The following BICDL1 variants were observed in gnomAD, a reference collection of about 807,000 sequenced individuals.
BICDL1 encodes BICD family like cargo adaptor 1.
Under a neutral mutation model 76.8 loss-of-function variants are expected in BICDL1, and 20 were observed. The ratio of observed to expected loss-of-function variants is 0.26; its 90% CI spans 0.18 to 0.38. BICDL1 has a LOEUF of 0.38. Ranked by LOEUF, BICDL1 falls within the 10% of genes least tolerant of loss-of-function variation. BICDL1 has a pLI of 1.00. For missense variants in BICDL1, 700 were observed against 798.6 expected, an observed-to-expected ratio of 0.88 and a Z score of 1.49; for synonymous variants, 383 against 337.1, an observed-to-expected ratio of 1.14 and a Z score of -1.49.
intron 6 of BICDL1, 34 bp downstream of exon 6, chr12:120,072,763 C>G: frequency 6.3e-7 from 1 of 1,583,922 alleles, no homozygotes; most frequent in Non-Finnish European, 8.6e-7. Flanking sequence ...CCTTACCCCA[C>G]AGGAGCTGGC....
At chr12:120,023,545 T>G (rs939904763) in intron 2 of BICDL1, among the ~76,000 whole-genome samples, 2 of 152,156 alleles carry the variant, frequency 1.3e-5, no homozygotes, top group African/African-American at 4.8e-5. Context: ...TCCCAGCACT[T>G]TGGGAGGCCA....
At chr12:120,007,818 C>T (rs1951878026) in intron 2 of BICDL1, among the ~76,000 whole-genome samples, 2 of 152,178 alleles carry the variant, frequency 1.3e-5, no homozygotes, top group Admixed American at 1.3e-4. Context: ...TAAGTGTCAC[C>T]ACCACTCTGC....
chr12:119,994,170 T>C (rs1336380308), intron 1 of BICDL1, among the ~76,000 whole-genome samples: 1 of 152,204 alleles, frequency 6.6e-6, no homozygotes, highest in Non-Finnish European at 1.5e-5. Flanking sequence ...CCCTCAGTTA[T>C]ATTTTCCTCC....
At chr12:119,998,097 G>T (rs908302772) in intron 1 of BICDL1, among the ~76,000 whole-genome samples, 2 of 151,906 alleles carry the variant, frequency 1.3e-5, no homozygotes, top group Admixed American at 1.3e-4. Flanking sequence ...CTGGGCGACG[G>T]AGTCTTACCA....
At position 120,064,593 on chromosome 12, in the gene BICDL1, T is replaced by G. The variant is rs1055968339; in HGVS notation, c.763-140T>G. 3 of 755,894 alleles carry G rather than the reference T, an allele frequency of 4.0e-6. No homozygotes were observed. In the East Asian group the frequency reaches 9.2e-5, roughly 23 times the overall value. 46.8% of individuals were successfully genotyped at this position (755,894 alleles called of 1,614,324 possible). On this transcript the variant is annotated intron_variant, in intron 3 of 9. Transcript: ENST00000548673. ...CTTCAGCTTAGGGTTTCATAGCTAT[T>G]CTCTCAGAGATGGGGGTACCGTGAC...
intron 7 of BICDL1, among the ~76,000 whole-genome samples, chr12:120,075,387 C>CTT (rs1188921444): frequency 1.2e-4 from 17 of 142,504 alleles, no homozygotes; most frequent in Non-Finnish European, 1.9e-4. Flanking sequence ...AGTATTTCCT[C>CTT]TTTTTTTTTT....
intron 2 of BICDL1, among the ~76,000 whole-genome samples, chr12:120,050,010 G>T (rs958004951): frequency 6.6e-6 from 1 of 152,188 alleles, no homozygotes; most frequent in Non-Finnish European, 1.5e-5. Flanking sequence ...TTATGAGTAT[G>T]TAGTGGTATC....
At chr12:120,055,940 A>G (rs980632167) in intron 2 of BICDL1, among the ~76,000 whole-genome samples, 4 of 152,256 alleles carry the variant, frequency 2.6e-5, no homozygotes, top group African/African-American at 7.2e-5. Context: ...ATTACCCACA[A>G]GCACAAAGAT....
In BICDL1 at chr12:120,069,954, A is replaced by C. The variant is rs142872068; in HGVS notation, c.910-1668A>C. Among the ~76,000 whole-genome samples the C allele has an allele frequency of 1.1e-4, 16 of 152,344 alleles. No homozygotes were observed. The East Asian group carries it at 2.7e-3, about 26-fold the overall frequency. ...TTTTGTTCAACATTGTGTCTGTGAAATTTAACCATGTTGTGGCATATAGTA... is the reference window on the plus strand; with the variant it reads ...TTTTGTTCAACATTGTGTCTGTGAACTTTAACCATGTTGTGGCATATAGTA... On this transcript the variant is annotated intron_variant, in intron 4 of 9. Coordinates refer to ENST00000548673, the MANE Select transcript of BICDL1 (RefSeq NM_001367886.1).
At chr12:120,022,405 T>C (rs1952201517) in intron 2 of BICDL1, among the ~76,000 whole-genome samples, 1 of 147,312 alleles carries the variant, frequency 6.8e-6, no homozygotes, top group Non-Finnish European at 1.5e-5. Flanking sequence ...CTCTTAAAAA[T>C]ATATATTTAT....
intron 2 of BICDL1, among the ~76,000 whole-genome samples, chr12:120,006,082 C>G (rs546337541): frequency 6.6e-6 from 1 of 152,090 alleles, no homozygotes; most frequent in African/African-American, 2.4e-5. Flanking sequence ...ATACATAGTA[C>G]AACTATAAAG....
intron 2 of BICDL1, among the ~76,000 whole-genome samples, chr12:120,040,116 C>G (rs1176165058): frequency 1.3e-5 from 2 of 150,278 alleles, no homozygotes; most frequent in Non-Finnish European, 3.0e-5. Context: ...TTTTTTTGTT[C>G]TTCTGAGATA....
rs188181779 is a variant in BICDL1, at chr12:119,990,597, G to A, written c.429+300G>A. Among the ~76,000 whole-genome samples the A allele has an allele frequency of 1.5e-3, 225 of 152,312 alleles. 1 individual carries two copies. The highest frequency in any genetic ancestry group is 4.8e-3 in the African/African-American group (198 of 41,574). Reference sequence around the variant, plus strand: ...TACAGTATGACTATATAGCACTGAGGTGATGTCTGCATACAGAGAAATGAG... The same window carrying A: ...TACAGTATGACTATATAGCACTGAGATGATGTCTGCATACAGAGAAATGAG... On this transcript the variant is annotated intron_variant, in intron 1 of 9. Transcript: ENST00000548673.
intron 9 of BICDL1, 62 bp from the exon 10 acceptor site, chr12:120,092,938 C>T (rs1193310571): frequency 6.7e-7 from 1 of 1,490,314 alleles, no homozygotes; most frequent in Non-Finnish European, 8.9e-7. Context: ...CCTCCCTGTC[C>T]AGCCCCAGGG....
intron 3 of BICDL1, 108 bp from the exon 4 acceptor site, chr12:120,064,625 C>A (rs1953180406): frequency 1.8e-6 from 2 of 1,121,080 alleles, no homozygotes; most frequent in Admixed American, 5.0e-5. Flanking sequence ...TGACATTGGG[C>A]AGAATACTGA....
rs10658480 is a variant in BICDL1, at chr12:119,999,062, G to GAAAAAA, written c.645+342_645+347dup. On this transcript the variant is annotated intron_variant, in intron 2 of 9. Transcript: ENST00000548673. ...GGCAACAGAGTGACAGCCTGTCTCG[G>GAAAAAA]AAAAAAAAAAAAAAAAAAAAAGTTG... is the stretch of plus-strand genomic sequence containing the variant. Among the ~76,000 whole-genome samples, 87 of 95,218 alleles carry GAAAAAA rather than the reference G, an allele frequency of 9.1e-4. 1 individual carries two copies. The East Asian group carries it at 9.2e-3, about 10-fold the overall frequency. The allele number at this position is 95,218 out of a possible 152,430, so 62.5% of individuals were successfully genotyped here.
chr12:120,068,805 C>CA (rs1288793211), intron 4 of BICDL1, among the ~76,000 whole-genome samples: 8 of 151,598 alleles, frequency 5.3e-5, no homozygotes, highest in South Asian at 2.1e-4. Context: ...GACAGAGACT[C>CA]AAAAAAAATA....
At chr12:120,046,511 G>A (rs1014448530) in intron 2 of BICDL1, among the ~76,000 whole-genome samples, 1 of 152,214 alleles carries the variant, frequency 6.6e-6, no homozygotes, top group African/African-American at 2.4e-5. Context: ...TTATGAGGTA[G>A]GTACTACTTT....
intron 2 of BICDL1, among the ~76,000 whole-genome samples, chr12:120,031,203 CTTTTT>C (rs140797711): frequency 0.019 from 2,469 of 130,856 alleles, 14 homozygotes; most frequent in African/African-American, 0.023. Context: ...TAACATGTTC[CTTTTT>C]TTTTTTTTTT....
Sources: gnomAD v4.1 joint callset for allele counts (sites outside exome capture counted in the v4.1 genomes callset) on GRCh38, gnomAD v4.1.1 for gene constraint, MANE v1.5 for transcripts, NCBI Gene and HGNC (gene_info 2026-07-23, HGNC 2026-07-21) for gene names.